COL5A2: variants seen among roughly 807,000 people sequenced by gnomAD.
The protein encoded by COL5A2 is collagen type V alpha 2 chain.
Under a neutral mutation model 208.2 loss-of-function variants are expected in COL5A2, and 23 were observed. The ratio of observed to expected loss-of-function variants is 0.11; its 90% CI spans 0.08 to 0.16. The LOEUF is 0.16. Ranked by LOEUF, COL5A2 falls within the 10% of genes least tolerant of loss-of-function variation. The probability of loss-of-function intolerance (pLI) is 1.00; values close to 1 mark genes in which losing one functional copy is unlikely to be tolerated. For missense variants in COL5A2, 1,590 were observed against 1,956.4 expected (o/e 0.81, Z 3.53); for synonymous variants, 625 against 628.5 (o/e 0.99, Z 0.08).
the COL5A2 span, among the ~76,000 whole-genome samples, chr2:189,345,749 G>A: frequency 6.6e-6 from 1 of 152,158 alleles, no homozygotes; most frequent in Non-Finnish European, 1.5e-5. Flanking sequence ...GAACCAGATT[G>A]TAGAGGTTAA....
the COL5A2 span, among the ~76,000 whole-genome samples, chr2:189,319,142 T>C: frequency 6.6e-6 from 1 of 152,168 alleles, no homozygotes; most frequent in African/African-American, 2.4e-5. Flanking sequence ...TAAATGAAAT[T>C]TTGAATAAAT....
At chr2:189,335,311 C>A in the COL5A2 span, among the ~76,000 whole-genome samples, 1 of 151,940 alleles carries the variant, frequency 6.6e-6, no homozygotes, top group East Asian at 1.9e-4. Flanking sequence ...CAGACAACAA[C>A]AAATATTGGC....
At chr2:189,192,865 T>C (rs1217691649) in intron 1 of COL5A2, among the ~76,000 whole-genome samples, 2 of 152,246 alleles carry the variant, frequency 1.3e-5, no homozygotes, top group Non-Finnish European at 2.9e-5. Context: ...AATGTCTTTA[T>C]CTCAAGCATG....
intron 51 of COL5A2, 127 bp downstream of exon 51, chr2:189,039,145 G>A (rs932896461): frequency 8.4e-7 from 1 of 1,185,238 alleles, no homozygotes; most frequent in Non-Finnish European, 1.2e-6. Flanking sequence ...TAAGCTCCAT[G>A]ATATGTTTAC....
At chr2:189,123,035 G>C (rs1313693831) in intron 1 of COL5A2, among the ~76,000 whole-genome samples, 1 of 152,074 alleles carries the variant, frequency 6.6e-6, no homozygotes, top group Non-Finnish European at 1.5e-5. Flanking sequence ...CACAATCTTG[G>C]CTCACCGCAA....
rs145413703 is a variant in COL5A2, at chr2:189,118,752, C to T, written c.98-8303G>A. Among the ~76,000 whole-genome samples, 1,377 of 152,184 alleles carry T rather than the reference C, an allele frequency of 9.0e-3. 27 individuals are homozygous for T. Among genetic ancestry groups the T allele is most frequent in the African/African-American group, 0.03 (1,238 of 41,538 alleles). On this transcript the variant is annotated intron_variant, in intron 1 of 53. Transcript: ENST00000374866. ...CCCAAAGGCCAATTTCTAATTTTAT[C>T]CTCTTGGAAATATCTAGTGACTTGA... is the stretch of plus-strand genomic sequence containing the variant.
chr2:189,070,681 A>C (rs1232587222), intron 18 of COL5A2, among the ~76,000 whole-genome samples: 1 of 152,212 alleles, frequency 6.6e-6, no homozygotes, highest in African/African-American at 2.4e-5. Context: ...GCTAATTCAT[A>C]GATTTGTGAG....
At chr2:189,068,654 C>G (rs1456877055) in intron 19 of COL5A2, 132 bp downstream of exon 19, 8 of 710,870 alleles carry the variant, frequency 1.1e-5, no homozygotes, top group South Asian at 3.2e-5. Flanking sequence ...AGGCATATAA[C>G]AGAACATTAC....
chr2:189,306,136 C>G, the COL5A2 span, among the ~76,000 whole-genome samples: 1 of 152,170 alleles, frequency 6.6e-6, no homozygotes, highest in Non-Finnish European at 1.5e-5. Flanking sequence ...TAGTATTGTG[C>G]CATGCACTAT....
the COL5A2 span, among the ~76,000 whole-genome samples, chr2:189,288,074 G>C: frequency 6.6e-6 from 1 of 151,984 alleles, no homozygotes; most frequent in African/African-American, 2.4e-5. Context: ...GATCAGAAAA[G>C]AAAGTATGCC....
the COL5A2 span, among the ~76,000 whole-genome samples, chr2:189,233,428 CT>C: frequency 2.0e-5 from 3 of 151,458 alleles, no homozygotes; most frequent in East Asian, 1.9e-4. Flanking sequence ...AATGTAAATG[CT>C]GTAAATAGTC....
At chr2:189,114,315 G>C (rs891577016) in intron 1 of COL5A2, among the ~76,000 whole-genome samples, 32 of 152,216 alleles carry the variant, frequency 2.1e-4, no homozygotes, top group African/African-American at 7.5e-4. Flanking sequence ...AAAATACAGG[G>C]TGTCTTGCAG....
chr2:189,330,403 C>G, the COL5A2 span, among the ~76,000 whole-genome samples: 7 of 152,274 alleles, frequency 4.6e-5, no homozygotes, highest in South Asian at 4.1e-4. Context: ...AGGATGGAGA[C>G]AGGGCAGGAT....
In COL5A2 at chr2:189,051,805, G is replaced by C. The variant is rs536326485; in HGVS notation, c.2770-324C>G. Among the ~76,000 whole-genome samples, 6 of 152,212 alleles carry C rather than the reference G, an allele frequency of 3.9e-5. No homozygotes were observed. In the South Asian group the frequency reaches 1.2e-3, roughly 32 times the overall value. The stretch of plus-strand genomic sequence containing the variant: ...ATGAATATATAATACTTTATTCTGA[G>C]ATAATTATTTATTCTTATGATTTGA... On this transcript the variant is annotated intron_variant, in intron 41 of 53. Coordinates refer to ENST00000374866, the MANE Select transcript of COL5A2 (RefSeq NM_000393.5).
the COL5A2 span, among the ~76,000 whole-genome samples, chr2:189,425,719 T>G: frequency 2.8e-4 from 43 of 152,146 alleles, no homozygotes; most frequent in Admixed American, 2.8e-3. Context: ...TGGGGGCAGT[T>G]TCTCATGAAT....
At chr2:189,383,463 TCAAGGCTTCAACGTATGAA>T in the COL5A2 span, among the ~76,000 whole-genome samples, 1 of 152,178 alleles carries the variant, frequency 6.6e-6, no homozygotes, top group Non-Finnish European at 1.5e-5. Context: ...AACTTGGGTG[TCAAGGCTTCAACGTATGAA>T]TTAAGTAGGA....
the COL5A2 span, among the ~76,000 whole-genome samples, chr2:189,438,432 T>C: frequency 1.3e-5 from 2 of 152,246 alleles, no homozygotes; most frequent in African/African-American, 4.8e-5. Flanking sequence ...AGAAGTATTA[T>C]GCATAATTTC....
At chr2:189,338,783 C>T in the COL5A2 span, among the ~76,000 whole-genome samples, 9 of 149,868 alleles carry the variant, frequency 6.0e-5, no homozygotes, top group Non-Finnish European at 1.2e-4. Flanking sequence ...CAGTAAAAGC[C>T]GTTCTTTCAT....
At chr2:189,082,606 T>C (rs1441989800) in intron 12 of COL5A2, among the ~76,000 whole-genome samples, 1 of 152,224 alleles carries the variant, frequency 6.6e-6, no homozygotes, top group East Asian at 1.9e-4. Flanking sequence ...GAAATTCTCA[T>C]GTGATTACAT....
Sources: gnomAD v4.1 joint callset for allele counts (sites outside exome capture counted in the v4.1 genomes callset) on GRCh38, gnomAD v4.1.1 for gene constraint, MANE v1.5 for transcripts, NCBI Gene and HGNC (gene_info 2026-07-23, HGNC 2026-07-21) for gene names.